DYNC2H1: variants seen among roughly 807,000 people sequenced by gnomAD.
DYNC2H1 encodes the protein dynein cytoplasmic 2 heavy chain 1.
In DYNC2H1, 410 loss-of-function variants were observed where a neutral mutation model predicts 570.0. The ratio of observed to expected loss-of-function variants is 0.72; its 90% CI spans 0.66 to 0.78. The LOEUF is 0.78. Among genes scored for constraint, DYNC2H1 ranks in the 30% least tolerant of loss-of-function variants. The pLI is 0.00. For synonymous variants in DYNC2H1, 1,688 were observed against 1,677.6 expected (o/e 1.01, Z -0.15); for missense variants, 4,865 against 5,046.4 (o/e 0.96, Z 1.09).
intron 84 of DYNC2H1, among the ~76,000 whole-genome samples, chr11:103,415,580 C>T (rs879875336): frequency 2.0e-5 from 3 of 152,156 alleles, no homozygotes; most frequent in Non-Finnish European, 4.4e-5. Flanking sequence ...CAGAGAAATG[C>T]AAATCAAAAC....
At chr11:103,365,286 G>A (rs959067296) in intron 83 of DYNC2H1, among the ~76,000 whole-genome samples, 3 of 151,982 alleles carry the variant, frequency 2.0e-5, no homozygotes, top group South Asian at 2.1e-4. Flanking sequence ...ACTTGAACCC[G>A]GGAGGCGGAG....
chr11:103,436,131 A>AT, intron 85 of DYNC2H1, 99 bp downstream of exon 85: 1 of 940,840 alleles, frequency 1.1e-6, no homozygotes, highest in East Asian at 2.7e-5. Context: ...TTACACTATG[A>AT]TTTTGCACAT....
At chr11:103,233,343 T>TA (rs1275176381) in intron 60 of DYNC2H1, among the ~76,000 whole-genome samples, 2 of 151,812 alleles carry the variant, frequency 1.3e-5, no homozygotes, top group African/African-American at 2.4e-5. Flanking sequence ...TATAAACACT[T>TA]ACACATATTT....
intron 84 of DYNC2H1, among the ~76,000 whole-genome samples, chr11:103,423,833 G>T (rs1943577186): frequency 6.6e-6 from 1 of 151,952 alleles, no homozygotes; most frequent in Non-Finnish European, 1.5e-5. Context: ...GTGTCATTAG[G>T]AATATCAGAA....
In DYNC2H1 at chr11:103,163,243, C is replaced by T; in HGVS notation, c.4611+96C>T. ...GGCTCAGATAAATCGCATCTGTTTT[C>T]TCCCTTTATCTAACAGTTAACGGAC... On this transcript the variant is annotated intron_variant, in intron 30 of 88. Transcript: ENST00000375735. This position sits in a 1 kb window ranked among gnomAD's most constrained non-coding sequence, Gnocchi z 4.6. 1 of 1,361,278 alleles carries T rather than the reference C, an allele frequency of 7.3e-7. No homozygotes were observed. Among genetic ancestry groups the T allele is most frequent in the Non-Finnish European group, 9.8e-7 (1 of 1,018,978 alleles). The allele number at this position is 1,361,278 out of a possible 1,614,324, so 84.3% of individuals were successfully genotyped here. A position where few individuals can be genotyped will look rare whatever the true frequency, so the allele number is the denominator to read the frequency against.
At position 103,193,612 on chromosome 11, in the gene DYNC2H1, C is replaced by T. The variant is rs146498565; in HGVS notation, c.7708+1348C>T. Among the ~76,000 whole-genome samples the T allele has an allele frequency of 1.5e-4, 23 of 151,676 alleles. No homozygotes were observed. In the East Asian group the frequency reaches 1.7e-3, roughly 11 times the overall value. On this transcript the variant is annotated intron_variant, in intron 47 of 88. Transcript: ENST00000375735. ...AGGCTGGAGCGCAAAGGTGCAATCT[C>T]GGCCCACCGCAACCTCCGCCTCCCG...
intron 71 of DYNC2H1, among the ~76,000 whole-genome samples, chr11:103,281,358 A>G (rs938833431): frequency 1.2e-4 from 18 of 151,992 alleles, no homozygotes; most frequent in African/African-American, 4.3e-4. Flanking sequence ...TCCATGAAAT[A>G]TATATATTCC....
rs545483446 is a variant in DYNC2H1 at position 103,461,193 on chromosome 11, T to G, written c.12648+4837T>G. Among the ~76,000 whole-genome samples, 52 of 152,214 alleles carry G rather than the reference T, an allele frequency of 3.4e-4. No homozygotes were observed. Among genetic ancestry groups the G allele is most frequent in the Non-Finnish European group, 6.5e-4 (44 of 68,030 alleles). On this transcript the variant is annotated intron_variant, in intron 87 of 88. Transcript: ENST00000375735. The surrounding 1 kb of genome is among the most constrained non-coding windows in gnomAD (Gnocchi z 4.8). ...ACTTGGCAAAATTAGTAAGTTCATTTGTCCATTTAGGCTCCTTTTAATTAT... is the reference window on the plus strand; with the variant it reads ...ACTTGGCAAAATTAGTAAGTTCATTGGTCCATTTAGGCTCCTTTTAATTAT...
At chr11:103,278,336 T>C (rs2135330106) in intron 70 of DYNC2H1, among the ~76,000 whole-genome samples, 1 of 152,288 alleles carries the variant, frequency 6.6e-6, no homozygotes, top group African/African-American at 2.4e-5. Flanking sequence ...TTATTGGGCT[T>C]TTAGAGTGTC....
At chr11:103,425,307 T>C (rs1382175774) in intron 84 of DYNC2H1, among the ~76,000 whole-genome samples, 1 of 152,184 alleles carries the variant, frequency 6.6e-6, no homozygotes, top group Non-Finnish European at 1.5e-5. Flanking sequence ...TAAACATTTA[T>C]TTCTTACAGT....
At chr11:103,310,404 T>C (rs1867520695) in intron 78 of DYNC2H1, among the ~76,000 whole-genome samples, 1 of 152,078 alleles carries the variant, frequency 6.6e-6, no homozygotes, top group East Asian at 1.9e-4. Context: ...CATATTAGTA[T>C]TTTTGTTTCA....
In DYNC2H1 at chr11:103,280,973, A is replaced by G. The variant is rs1034573333; in HGVS notation, c.10761+560A>G. On this transcript the variant is annotated intron_variant, in intron 71 of 88. Coordinates refer to ENST00000375735, the MANE Select transcript of DYNC2H1 (RefSeq NM_001377.3). The surrounding 1 kb of genome is among the most constrained non-coding windows in gnomAD (Gnocchi z 4.7). ...CCCTTGAGCTGGAGCTAACGAGACC[A>G]TTTCTTGTCTGCTTACAATTTTAAA... is the stretch of plus-strand genomic sequence containing the variant. 9.9e-5 allele frequency among the ~76,000 whole-genome samples: 15 copies of G among 151,920 alleles called. 2 individuals are homozygous for G. The highest frequency in any genetic ancestry group is 9.2e-4 in the Admixed American group (14 of 15,228).
intron 34 of DYNC2H1, among the ~76,000 whole-genome samples, chr11:103,171,271 G>A (rs1421995746): frequency 6.7e-6 from 1 of 148,394 alleles, no homozygotes; most frequent in African/African-American, 2.5e-5. Context: ...CTTTTTTTTT[G>A]GGGGACAGAG....
rs727503907 is a variant in DYNC2H1, at chr11:103,185,022, A to G, written c.6604A>G (p.Met2202Val). ...LIRGLGGNLN[M>V]KSRLEFTKEV... ...AAGGGGACTTGGTGGAAATCTGAAT[A>G]TGAAGTCACGTTTGGAATTTACCAA... The change falls in exon 41 of 89, where the codon ATG becomes GTG. Residue 2202 changes from methionine (M) to valine (V), a missense_variant. Met to Val is a conservative substitution (Grantham distance 21, BLOSUM62 1). Coordinates refer to ENST00000375735, the MANE Select transcript of DYNC2H1 (RefSeq NM_001377.3). This position sits in a 1 kb window ranked among gnomAD's most constrained non-coding sequence, Gnocchi z 4.5. The G allele has an allele frequency of 1.2e-6, 2 of 1,609,638 alleles. No homozygotes were observed. Among genetic ancestry groups the G allele is most frequent in the Non-Finnish European group, 1.7e-6 (2 of 1,177,120 alleles).
intron 81 of DYNC2H1, among the ~76,000 whole-genome samples, 153 bp from the exon 82 acceptor site, chr11:103,323,733 A>G: frequency 6.6e-6 from 1 of 152,202 alleles, no homozygotes; most frequent in Non-Finnish European, 1.5e-5. Context: ...CTTCCCACAG[A>G]TAACTGAGTT....
At chr11:103,373,864 T>C (rs2566952) in intron 83 of DYNC2H1, among the ~76,000 whole-genome samples, 102,366 of 151,966 alleles carry the variant, frequency 0.67, 34,581 homozygotes, top group Admixed American at 0.73. Context: ...TTTTGGTGCT[T>C]TTCTGTTGGG....
intron 17 of DYNC2H1, among the ~76,000 whole-genome samples, chr11:103,136,262 G>T (rs1354411451): frequency 6.7e-6 from 1 of 149,012 alleles, no homozygotes; most frequent in Non-Finnish European, 1.5e-5. Context: ...AATTTTTAGG[G>T]TACATGTGCA....
rs1157494719 is a variant in DYNC2H1 at position 103,189,597 on chromosome 11, T to G, written c.7293-75T>G. On this transcript the variant is annotated intron_variant, in intron 44 of 88. Transcript: ENST00000375735. This position sits in a 1 kb window ranked among gnomAD's most constrained non-coding sequence, Gnocchi z 4.3. ...AGCAGCACAGTTTCAAAACCACTGT[T>G]GTAACTTAACATTGAAATATTAATT... 1.1e-5 allele frequency: 16 copies of G among 1,471,210 alleles called. 1 individual carries two copies. The Admixed American group carries it at 3.1e-4, about 28-fold the overall frequency. 91.1% of individuals were successfully genotyped at this position (1,471,210 alleles called of 1,614,324 possible). A position where few individuals can be genotyped will look rare whatever the true frequency, so the allele number is the denominator to read the frequency against.
At chr11:103,258,390 G>A (rs984279958) in intron 69 of DYNC2H1, among the ~76,000 whole-genome samples, 20 of 152,238 alleles carry the variant, frequency 1.3e-4, no homozygotes, top group African/African-American at 2.9e-4. Flanking sequence ...GTTGAGTATC[G>A]TATTAATCCG....
Sources: gnomAD v4.1 joint callset for allele counts (sites outside exome capture counted in the v4.1 genomes callset) on GRCh38, gnomAD v4.1.1 for gene constraint, Gnocchi (gnomAD v3.1) non-coding constraint, MANE v1.5 for transcripts, NCBI Gene and HGNC (gene_info 2026-07-23, HGNC 2026-07-21) for gene names.